The following ZFP2 variants were observed in gnomAD, a reference collection of about 807,000 sequenced individuals.
The protein encoded by ZFP2 is zinc finger protein ZFP2.
A neutral mutation model predicts 36.1 loss-of-function variants in ZFP2; 33 were observed. That is an observed-to-expected ratio of 0.92 (90% CI 0.69 to 1.22). The LOEUF is 1.22. Among genes scored for constraint, ZFP2 ranks in the 50% most tolerant of loss-of-function variants. The pLI is 0.00. For synonymous variants in ZFP2, 170 were observed against 178.0 expected (o/e 0.96, Z 0.36); for missense variants, 522 against 551.4 (o/e 0.95, Z 0.53).
At chr5:178,919,861 T>C (rs1758517189) in intron 4 of ZFP2, among the ~76,000 whole-genome samples, 2 of 151,906 alleles carry the variant, frequency 1.3e-5, no homozygotes, top group South Asian at 4.2e-4. Context: ...CTTGGGAGGC[T>C]GAGGAGGCAC....
At chr5:178,901,453 T>TG (rs1758055875) in intron 1 of ZFP2, among the ~76,000 whole-genome samples, 3 of 152,178 alleles carry the variant, frequency 2.0e-5, no homozygotes, top group Admixed American at 6.5e-5. Flanking sequence ...CTGAAACTGG[T>TG]GGGGGAATCC....
chr5:178,912,587 C>T lies in ZFP2; in HGVS notation c.-446C>T. 1.0e-6 allele frequency: 1 copy of T among 969,658 alleles called. No homozygotes were observed. The highest frequency in any genetic ancestry group is 1.2e-6 in the Non-Finnish European group (1 of 804,728). The allele number at this position is 969,658 out of a possible 1,614,324, so 60.1% of individuals were successfully genotyped here. On this transcript the variant is annotated 5_prime_UTR_variant, in exon 2 of 5. Transcript: ENST00000361362. ...TCCCTTATTGAGGAATTTTTAGTTT[C>T]AGGAGTCAGTGACCTTCAAGGATGT...
At chr5:178,909,387 C>T (rs1242656659) in intron 1 of ZFP2, among the ~76,000 whole-genome samples, 8 of 152,306 alleles carry the variant, frequency 5.3e-5, no homozygotes, top group Non-Finnish European at 1.2e-4. Flanking sequence ...AAATGGTTTT[C>T]TTTCAACCCC....
At chr5:178,909,238 C>T (rs1758238501) in intron 1 of ZFP2, among the ~76,000 whole-genome samples, 1 of 152,202 alleles carries the variant, frequency 6.6e-6, no homozygotes, top group Non-Finnish European at 1.5e-5. Context: ...TGGCTCCTTG[C>T]TTCTAGCACT....
chr5:178,899,164 G>A (rs774023004), intron 1 of ZFP2, among the ~76,000 whole-genome samples: 13 of 152,132 alleles, frequency 8.5e-5, no homozygotes, highest in Non-Finnish European at 1.9e-4. Flanking sequence ...TGTGTCCAGA[G>A]TTTAAATCCC....
Position 178,931,745 on chromosome 5 carries a change from C to T in ZFP2, c.432C>T (p.Ser144=). 9 of 1,614,052 alleles carry T rather than the reference C, an allele frequency of 5.6e-6. No individual in the cohort carries two copies. The highest frequency in any genetic ancestry group is 1.1e-5 in the South Asian group (1 of 91,070). Residue 144 remains serine, a synonymous_variant, in exon 5 of 5, where the codon TCC becomes TCT. Coordinates refer to ENST00000361362, the MANE Select transcript of ZFP2 (RefSeq NM_030613.4). ...GGAAACACTTCATTGAACGATCCTCCCTTACTGTACATCAAAGAATTCATA... is the reference window on the plus strand; with the variant it reads ...GGAAACACTTCATTGAACGATCCTCTCTTACTGTACATCAAAGAATTCATA... ...VCGKHFIERS[S]LTVHQRIHTG...
chr5:178,915,327 T>C (rs6881281), intron 3 of ZFP2, among the ~76,000 whole-genome samples: 138 of 137,912 alleles, frequency 1.0e-3, no homozygotes, highest in African/African-American at 3.6e-3. Flanking sequence ...TCTTTCTTTT[T>C]TTTTTTTTTT....
intron 4 of ZFP2, among the ~76,000 whole-genome samples, chr5:178,931,001 C>T (rs1758815693): frequency 6.6e-6 from 1 of 152,182 alleles, no homozygotes; most frequent in Non-Finnish European, 1.5e-5. Flanking sequence ...TCTGCTTATG[C>T]AGTACATCTG....
chr5:178,900,614 G>A (rs1327053282), intron 1 of ZFP2, among the ~76,000 whole-genome samples: 25 of 43,564 alleles, frequency 5.7e-4, no homozygotes, highest in Non-Finnish European at 9.2e-4. Context: ...TCTACTCCAC[G>A]TCCCCCACCC....
chr5:178,904,326 T>C (rs561505102), intron 1 of ZFP2, among the ~76,000 whole-genome samples: 1 of 152,044 alleles, frequency 6.6e-6, no homozygotes, highest in Admixed American at 6.5e-5. Context: ...AAAGAGGAAA[T>C]GTGGTTGAGG....
intron 1 of ZFP2, among the ~76,000 whole-genome samples, chr5:178,908,260 A>T (rs1364708885): frequency 6.6e-6 from 1 of 152,120 alleles, no homozygotes; most frequent in Non-Finnish European, 1.5e-5. Context: ...AATCCTGGCT[A>T]ACATGGTGAA....
intron 4 of ZFP2, among the ~76,000 whole-genome samples, chr5:178,921,856 G>C (rs989232126): frequency 6.7e-6 from 1 of 149,164 alleles, no homozygotes; most frequent in African/African-American, 2.4e-5. Flanking sequence ...CTTTCTGTTC[G>C]GGTTTATCAG....
chr5:178,909,920 C>A (rs1308264606), intron 1 of ZFP2: 3 of 1,451,864 alleles, frequency 2.1e-6, no homozygotes, highest in African/African-American at 1.4e-5. Context: ...TGCCCTTGAT[C>A]CTCAAGGGGT....
At position 178,910,509 on chromosome 5, in the gene ZFP2, C is replaced by T; in HGVS notation, c.-449-2075C>T. ...ACTTGCTCCTCACAGTGGCCTGCACCCTGCCTGCTGTGTGACTTCTTGCTG... is the reference window on the plus strand; with the variant it reads ...ACTTGCTCCTCACAGTGGCCTGCACTCTGCCTGCTGTGTGACTTCTTGCTG... On this transcript the variant is annotated intron_variant, in intron 1 of 4. Transcript: ENST00000361362. 8.4e-6 allele frequency: 5 copies of T among 596,666 alleles called. No homozygotes were observed. The East Asian group carries it at 1.3e-4, about 16-fold the overall frequency. The allele number at this position is 596,666 out of a possible 1,614,324, so 37.0% of individuals were successfully genotyped here. A position where few individuals can be genotyped will look rare whatever the true frequency, so the allele number is the denominator to read the frequency against.
In ZFP2 at chr5:178,916,689, A is replaced by AC. The variant is rs1445485733; in HGVS notation, c.-98dup. 2.0e-6 allele frequency: 2 copies of AC among 985,426 alleles called. No individual in the cohort carries two copies. Among genetic ancestry groups the AC allele is most frequent in the Non-Finnish European group, 2.4e-6 (2 of 829,932 alleles). The allele number at this position is 985,426 out of a possible 1,614,324, so 61.0% of individuals were successfully genotyped here. ...CTCTTCCACAGCCAGCATCTCACTTACTTGACACAAAACATCTATAGGTAA... is the reference window on the plus strand; with the variant it reads ...CTCTTCCACAGCCAGCATCTCACTTACCTTGACACAAAACATCTATAGGTAA... On this transcript the variant is annotated 5_prime_UTR_variant, in exon 4 of 5. Coordinates refer to ENST00000361362, the MANE Select transcript of ZFP2 (RefSeq NM_030613.4).
chr5:178,896,248 C>T (rs1337859627), intron 1 of ZFP2, among the ~76,000 whole-genome samples: 1 of 152,230 alleles, frequency 6.6e-6, no homozygotes, highest in Admixed American at 6.5e-5. Flanking sequence ...GAGGTGGAAT[C>T]ACAGCCCCGG....
intron 1 of ZFP2, among the ~76,000 whole-genome samples, chr5:178,906,868 C>CT (rs111783475): frequency 0.098 from 14,375 of 146,068 alleles, 723 homozygotes; most frequent in Non-Finnish European, 0.12. Context: ...GAGTTTTTGT[C>CT]TTTTTTTTTT....
At chr5:178,901,661 C>T (rs1758059345) in intron 1 of ZFP2, among the ~76,000 whole-genome samples, 2 of 152,124 alleles carry the variant, frequency 1.3e-5, no homozygotes, top group Admixed American at 6.5e-5. Flanking sequence ...AGATGAGGTC[C>T]TATTGCAAGG....
intron 4 of ZFP2, among the ~76,000 whole-genome samples, chr5:178,918,407 AAAAT>A (rs1758483509): frequency 6.6e-6 from 1 of 152,182 alleles, no homozygotes; most frequent in Non-Finnish European, 1.5e-5. Flanking sequence ...ATAAAAGGAG[AAAAT>A]AAATAAATCA....
Sources: allele counts gnomAD v4.1 joint callset (sites outside exome capture counted in the v4.1 genomes callset), GRCh38; gene constraint gnomAD v4.1.1; transcripts MANE v1.5; gene names NCBI Gene and HGNC (gene_info 2026-07-23, HGNC 2026-07-21).